Variants in RPGRIP1L observed in about 807,000 individuals in gnomAD.
RPGRIP1L encodes the protein RPGRIP1 like.
Under a neutral mutation model 160.4 loss-of-function variants are expected in RPGRIP1L, and 131 were observed. That is an observed-to-expected ratio of 0.82 (90% CI 0.71 to 0.94). The LOEUF (loss-of-function observed/expected upper bound fraction) is 0.94. Ranked by LOEUF, RPGRIP1L falls within the 40% of genes least tolerant of loss-of-function variation. The pLI, the probability that RPGRIP1L is intolerant of heterozygous loss-of-function variation, is 0.00. For synonymous variants in RPGRIP1L, 510 were observed against 515.8 expected, an observed-to-expected ratio of 0.99 and a Z score of 0.15; for missense variants, 1,522 against 1,535.8, an observed-to-expected ratio of 0.99 and a Z score of 0.15.
intron 7 of RPGRIP1L, 141 bp downstream of exon 7, chr16:53,674,876 C>A (rs1969026845): frequency 6.5e-6 from 4 of 613,512 alleles, no homozygotes; most frequent in Non-Finnish European, 8.6e-6. Context: ...GGAAATGATA[C>A]ACATTTGTGA....
intron 13 of RPGRIP1L, 22 bp from the exon 14 acceptor site, chr16:53,656,611 G>C (rs961822055): frequency 2.1e-6 from 3 of 1,453,558 alleles, no homozygotes; most frequent in Non-Finnish European, 1.9e-6. Flanking sequence ...GGGAAAATAA[G>C]TTTTAATACT....
chr16:53,633,382 C>A (rs1197658010), intron 22 of RPGRIP1L, among the ~76,000 whole-genome samples: 1 of 152,132 alleles, frequency 6.6e-6, no homozygotes, highest in African/African-American at 2.4e-5. Flanking sequence ...AAACACCAGA[C>A]AAATCCAATG....
At chr16:53,696,431 A>T in intron 2 of RPGRIP1L, 136 bp from the exon 3 acceptor site, 1 of 827,438 alleles carries the variant, frequency 1.2e-6, no homozygotes, top group Non-Finnish European at 2.0e-6. Flanking sequence ...GCTTTAGAAA[A>T]TGTTGTACCA....
intron 22 of RPGRIP1L, among the ~76,000 whole-genome samples, chr16:53,629,521 T>C (rs977777067): frequency 6.6e-6 from 1 of 152,220 alleles, no homozygotes; most frequent in Non-Finnish European, 1.5e-5. Flanking sequence ...CTTCCATCCA[T>C]GGAGACTTCT....
intron 14 of RPGRIP1L, among the ~76,000 whole-genome samples, chr16:53,654,718 A>T (rs984898224): frequency 6.6e-6 from 1 of 152,226 alleles, no homozygotes; most frequent in Non-Finnish European, 1.5e-5. Context: ...ATGTTTATGG[A>T]GTCAATCAAT....
At chr16:53,661,296 C>CAA (rs77367756) in intron 10 of RPGRIP1L, among the ~76,000 whole-genome samples, 14 of 85,806 alleles carry the variant, frequency 1.6e-4, no homozygotes, top group East Asian at 5.2e-4. Flanking sequence ...CACTCCATTT[C>CAA]AAAAAAAAAA....
In RPGRIP1L at chr16:53,658,791, C is replaced by T. The variant is rs76600508; in HGVS notation, c.1331G>A (p.Arg444His). 99 of 1,600,434 alleles carry T rather than the reference C, an allele frequency of 6.2e-5. No individual in the cohort carries two copies. The East Asian group carries it at 8.1e-4, about 13-fold the overall frequency. ...ATTCACCTGGTTGTACAATTTTATGCGTTTTTTAAGTTCATCAAGTTGTTG... is the reference window on the plus strand; with the variant it reads ...ATTCACCTGGTTGTACAATTTTATGTGTTTTTTAAGTTCATCAAGTTGTTG... ...QKQQLDELKK[R>H]IKLYNQENDI... The change falls in exon 11 of 27, where the codon CGC becomes CAC. Residue 444 changes from arginine (R) to histidine (H), a missense_variant. Coordinates refer to ENST00000647211, the MANE Select transcript of RPGRIP1L (RefSeq NM_015272.5).
At chr16:53,685,116 G>T (rs1468512565) in intron 6 of RPGRIP1L, among the ~76,000 whole-genome samples, 3 of 151,958 alleles carry the variant, frequency 2.0e-5, no homozygotes, top group Admixed American at 6.6e-5. Flanking sequence ...TAAAAAAAAA[G>T]CTCAACATCA....
At chr16:53,626,123 AC>A (rs1337863677) in intron 22 of RPGRIP1L, among the ~76,000 whole-genome samples, 5 of 145,426 alleles carry the variant, frequency 3.4e-5, no homozygotes, top group Non-Finnish European at 3.0e-5. Flanking sequence ...CCGAGAAACA[AC>A]CAAGAATGAT....
At chr16:53,698,696 C>T (rs1332150051) in intron 2 of RPGRIP1L, among the ~76,000 whole-genome samples, 13 of 145,108 alleles carry the variant, frequency 9.0e-5, no homozygotes, top group Non-Finnish European at 1.7e-4. Flanking sequence ...CCCGGCCAGC[C>T]GCACCGCCCG....
chr16:53,631,792 T>C (rs1965536587), intron 22 of RPGRIP1L, among the ~76,000 whole-genome samples: 1 of 152,234 alleles, frequency 6.6e-6, no homozygotes, highest in South Asian at 2.1e-4. Flanking sequence ...GTTGTCAGGC[T>C]GACGGAATCT....
At chr16:53,652,215 G>T (rs925253878) in intron 15 of RPGRIP1L, among the ~76,000 whole-genome samples, 1 of 152,098 alleles carries the variant, frequency 6.6e-6, no homozygotes, top group Non-Finnish European at 1.5e-5. Context: ...TGGGATTACA[G>T]GCATGCACCA....
At chr16:53,697,487 G>C (rs993743985) in intron 2 of RPGRIP1L, among the ~76,000 whole-genome samples, 4 of 152,094 alleles carry the variant, frequency 2.6e-5, no homozygotes, top group South Asian at 2.1e-4. Flanking sequence ...TCAGCCTGCC[G>C]AGTGCCTGCG....
chr16:53,686,537 C>A lies in RPGRIP1L; in HGVS notation c.672G>T (p.Glu224Asp). 2 of 1,613,726 alleles carry A rather than the reference C, an allele frequency of 1.2e-6. No individual in the cohort carries two copies. Among genetic ancestry groups the A allele is most frequent in the Non-Finnish European group, 1.7e-6 (2 of 1,179,758 alleles). Residue 224 changes from glutamate to aspartate, a missense_variant, in exon 6 of 27, where the codon GAG (glutamate) becomes GAT (aspartate). By Grantham distance (45) the Glu-to-Asp change is conservative (BLOSUM62 2). Transcript: ENST00000647211. ...TCAGGATCTCAGCCAAGTGCTCTAACTCCTCTATCTGGCCTCTTTGTGACT... is the reference window on the plus strand; with the variant it reads ...TCAGGATCTCAGCCAAGTGCTCTAAATCCTCTATCTGGCCTCTTTGTGACT... ...VIQSQRGQIE[E>D]LEHLAEILKT... is the part of the protein sequence containing the mutation.
chr16:53,665,070 A>C lies in RPGRIP1L; in HGVS notation c.1104-61T>G, dbSNP rs893412935. On this transcript the variant is annotated intron_variant, in intron 9 of 26. Transcript: ENST00000647211. Reference sequence around the variant, plus strand: ...AAATCAGCTTCAACCGAAAATAATAAAGAGAAAAGCTTTTAGTGGCGCAGA... The same window carrying C: ...AAATCAGCTTCAACCGAAAATAATACAGAGAAAAGCTTTTAGTGGCGCAGA... 6 of 1,601,926 alleles carry C rather than the reference A, an allele frequency of 3.7e-6. No homozygotes were observed. The East Asian group carries it at 6.7e-5, about 18-fold the overall frequency.
chr16:53,653,105 T>C, intron 14 of RPGRIP1L, 118 bp from the exon 15 acceptor site: 1 of 910,758 alleles, frequency 1.1e-6, no homozygotes, highest in Admixed American at 2.4e-5. Context: ...TTAAATTCTA[T>C]GACTACACTG....
In RPGRIP1L at chr16:53,658,418, A is replaced by C. The variant is rs199786347; in HGVS notation, c.1397T>G (p.Ile466Arg). Residue 466 changes from isoleucine to arginine, a missense_variant, in exon 12 of 27, where the codon ATA (isoleucine) becomes AGA (arginine). Transcript: ENST00000647211. ...ADELSEALLL[I>R]KAQKEQKNGD... ...CGATGAAGTTCAGAACCTTACCTTT[A>C]TAAGTAGGAGAGCTTCACTCAATTC... 1.6e-5 allele frequency: 26 copies of C among 1,609,916 alleles called. No homozygotes were observed. Among genetic ancestry groups the C allele is most frequent in the Non-Finnish European group, 2.1e-5 (25 of 1,176,484 alleles).
chr16:53,697,599 A>T (rs1270933792), intron 2 of RPGRIP1L, among the ~76,000 whole-genome samples: 1 of 152,158 alleles, frequency 6.6e-6, no homozygotes, highest in Non-Finnish European at 1.5e-5. Flanking sequence ...CCTGACCGCG[A>T]GTGATCCACC....
At chr16:53,645,399 G>A (rs537927805) in intron 17 of RPGRIP1L, among the ~76,000 whole-genome samples, 1 of 151,728 alleles carries the variant, frequency 6.6e-6, no homozygotes, top group South Asian at 2.1e-4. Flanking sequence ...AATACCTTAA[G>A]TATTTAATTC....
Sources: gnomAD v4.1 joint callset for allele counts (sites outside exome capture counted in the v4.1 genomes callset) on GRCh38, gnomAD v4.1.1 for gene constraint, MANE v1.5 for transcripts, NCBI Gene and HGNC (gene_info 2026-07-23, HGNC 2026-07-21) for gene names.